The following UBXN7 variants were observed in gnomAD, a reference collection of about 807,000 sequenced individuals.
The protein encoded by UBXN7 is UBX domain-containing protein 7.
UBXN7 carries 9 observed loss-of-function variants against 58.0 expected under a neutral mutation model. The observed-to-expected ratio is 0.16, with a 90% CI of 0.09 to 0.27. UBXN7 has a LOEUF of 0.27. UBXN7 is among the 10% of genes least tolerant of loss of function. The probability of loss-of-function intolerance (pLI) is 1.00; values close to 1 mark genes in which losing one functional copy is unlikely to be tolerated. For missense variants in UBXN7, 328 were observed against 599.6 expected, an observed-to-expected ratio of 0.55 and a Z score of 4.73; for synonymous variants, 208 against 205.0, an observed-to-expected ratio of 1.01 and a Z score of -0.12.
chr3:196,421,796 T>A, intron 1 of UBXN7, among the ~76,000 whole-genome samples: 1 of 151,282 alleles, frequency 6.6e-6, no homozygotes, highest in Non-Finnish European at 1.5e-5. Context: ...AAAAAAAGAT[T>A]TATAGATGGT....
At chr3:196,411,343 A>G (rs2108618598) in intron 1 of UBXN7, among the ~76,000 whole-genome samples, 1 of 152,350 alleles carries the variant, frequency 6.6e-6, no homozygotes, top group East Asian at 1.9e-4. Flanking sequence ...CCTTAGTCAA[A>G]ACCACTGGCA....
intron 1 of UBXN7, among the ~76,000 whole-genome samples, chr3:196,426,154 T>C (rs1006473750): frequency 5.9e-5 from 9 of 151,578 alleles, no homozygotes; most frequent in Non-Finnish European, 1.2e-4. Flanking sequence ...GAGGCTGAGG[T>C]GGGTGGATCA....
chr3:196,370,556 A>G (rs1019744584), intron 6 of UBXN7, among the ~76,000 whole-genome samples: 5 of 152,014 alleles, frequency 3.3e-5, no homozygotes, highest in Admixed American at 1.3e-4. Flanking sequence ...TGCTCGATCA[A>G]TATTTGTTGA....
Position 196,417,312 on chromosome 3 carries a change from G to A in UBXN7, c.74-9919C>T, listed in dbSNP as rs188120880. 1.3e-3 allele frequency among the ~76,000 whole-genome samples: 198 copies of A among 152,182 alleles called. 2 individuals are homozygous for A. Among genetic ancestry groups the A allele is most frequent in the Admixed American group, 4.7e-3 (72 of 15,278 alleles). ...GGGAGACAGAGCGAGACTCCATCTCGAAAACTAAATAAATAAATCAAATAA... is the reference window on the plus strand; with the variant it reads ...GGGAGACAGAGCGAGACTCCATCTCAAAAACTAAATAAATAAATCAAATAA... On this transcript the variant is annotated intron_variant, in intron 1 of 10. Transcript: ENST00000296328.
intron 10 of UBXN7, among the ~76,000 whole-genome samples, chr3:196,358,730 C>A (rs1728420812): frequency 1.3e-5 from 2 of 152,026 alleles, no homozygotes; most frequent in Admixed American, 1.3e-4. Flanking sequence ...GACAGAGCGA[C>A]CCTGTCTCAA....
chr3:196,417,088 C>A (rs368533670), intron 1 of UBXN7, among the ~76,000 whole-genome samples: 1 of 152,228 alleles, frequency 6.6e-6, no homozygotes, highest in East Asian at 1.9e-4. Flanking sequence ...CCGAGGCGGG[C>A]GGATCACAAG....
intron 5 of UBXN7, among the ~76,000 whole-genome samples, chr3:196,379,822 G>C (rs1577446421): frequency 6.6e-6 from 1 of 152,246 alleles, no homozygotes; most frequent in Non-Finnish European, 1.5e-5. Flanking sequence ...CTTTGGGTTG[G>C]GGGTTTCCTC....
rs1326844592 is a variant in UBXN7, at chr3:196,354,458, G to A, written c.*2227C>T. 3.3e-5 allele frequency: 5 copies of A among 152,190 alleles called. No homozygotes were observed. The highest frequency in any genetic ancestry group is 2.1e-4 in the South Asian group (1 of 4,836). 9.4% of individuals were successfully genotyped at this position (152,190 alleles called of 1,614,324 possible). A position where few individuals can be genotyped will look rare whatever the true frequency, so the allele number is the denominator to read the frequency against. On this transcript the variant is annotated 3_prime_UTR_variant, in exon 11 of 11. Coordinates refer to ENST00000296328, the MANE Select transcript of UBXN7 (RefSeq NM_015562.2). ...ATAGGAAAAATGATTGACTTCACAC[G>A]TTTGAGCGATTTGGGCTTCAGCTAT...
intron 9 of UBXN7, 71 bp from the exon 10 acceptor site, chr3:196,361,994 A>C: frequency 7.2e-7 from 1 of 1,392,162 alleles, no homozygotes; most frequent in South Asian, 1.2e-5. Flanking sequence ...AGTTTAAATA[A>C]ATATGTAAAT....
At chr3:196,427,865 G>C (rs568241637) in intron 1 of UBXN7, among the ~76,000 whole-genome samples, 4 of 152,134 alleles carry the variant, frequency 2.6e-5, no homozygotes, top group African/African-American at 9.7e-5. Context: ...AGTGGCTCAC[G>C]CCCATAATAC....
At chr3:196,383,117 A>C (rs1199570356) in intron 5 of UBXN7, among the ~76,000 whole-genome samples, 3 of 143,990 alleles carry the variant, frequency 2.1e-5, no homozygotes, top group Non-Finnish European at 3.1e-5. Flanking sequence ...CTCCATCTCC[A>C]AAAAAAAAAA....
At chr3:196,385,843 C>A (rs1014854786) in intron 5 of UBXN7, among the ~76,000 whole-genome samples, 7 of 151,002 alleles carry the variant, frequency 4.6e-5, no homozygotes, top group Middle Eastern at 3.5e-3. Flanking sequence ...AAGTGAGGAG[C>A]CCCTCTGCCC....
chr3:196,394,898 A>G (rs1274871895), intron 3 of UBXN7, among the ~76,000 whole-genome samples: 1 of 152,176 alleles, frequency 6.6e-6, no homozygotes, highest in Admixed American at 6.5e-5. Context: ...AAACAGATCC[A>G]CCTAAGGTAT....
At chr3:196,387,350 G>A (rs1240328717) in intron 5 of UBXN7, among the ~76,000 whole-genome samples, 11 of 152,262 alleles carry the variant, frequency 7.2e-5, no homozygotes, top group Admixed American at 6.5e-4. Context: ...AGAAAACCTA[G>A]GCAATACCAT....
chr3:196,390,043 C>A (rs771697525), intron 5 of UBXN7, among the ~76,000 whole-genome samples: 11 of 152,106 alleles, frequency 7.2e-5, no homozygotes, highest in East Asian at 1.9e-4. Context: ...CACAGCAAGA[C>A]CCCCTCTCCA....
intron 6 of UBXN7, 112 bp from the exon 7 acceptor site, chr3:196,369,623 A>T: frequency 1.4e-6 from 1 of 725,732 alleles, no homozygotes; most frequent in Non-Finnish European, 2.3e-6. Context: ...CGGCCTATGT[A>T]TTAAGATCTC....
At chr3:196,382,931 C>A (rs564723833) in intron 5 of UBXN7, among the ~76,000 whole-genome samples, 1 of 152,050 alleles carries the variant, frequency 6.6e-6, no homozygotes, top group Admixed American at 6.5e-5. Flanking sequence ...CTGGCTAACA[C>A]GGTGAAACCC....
chr3:196,370,460 A>T (rs79463459), intron 6 of UBXN7, among the ~76,000 whole-genome samples: 7 of 145,680 alleles, frequency 4.8e-5, no homozygotes, highest in South Asian at 4.4e-4. Context: ...CCATTTATTT[A>T]AAAAAAAAAA....
chr3:196,407,141 C>T, intron 2 of UBXN7, 105 bp downstream of exon 2: 1 of 1,467,636 alleles, frequency 6.8e-7, no homozygotes, highest in Non-Finnish European at 9.1e-7. Context: ...AGGCTTTCAG[C>T]CTTTCATTTA....
Sources: gnomAD v4.1 joint callset for allele counts (sites outside exome capture counted in the v4.1 genomes callset) on GRCh38, gnomAD v4.1.1 for gene constraint, MANE v1.5 for transcripts, NCBI Gene and HGNC (gene_info 2026-07-23, HGNC 2026-07-21) for gene names.